DLG2: variants seen among roughly 807,000 people sequenced by gnomAD.
DLG2 encodes the protein disks large homolog 2.
In DLG2, 45 loss-of-function variants were observed where a neutral mutation model predicts 132.5. That is an observed-to-expected ratio of 0.34 (90% confidence interval 0.27 to 0.44). The LOEUF (loss-of-function observed/expected upper bound fraction) is 0.44. Ranked by LOEUF, DLG2 falls within the 20% of genes least tolerant of loss-of-function variation. The pLI is 1.00. For synonymous variants in DLG2, 424 were observed against 419.6 expected (o/e 1.01, Z -0.13); for missense variants, 1,045 against 1,196.9 (o/e 0.87, Z 1.87).
At chr11:84,799,383 G>A (rs543894939) in intron 6 of DLG2, among the ~76,000 whole-genome samples, 1 of 152,286 alleles carries the variant, frequency 6.6e-6, no homozygotes, top group East Asian at 1.9e-4. Flanking sequence ...TTGGCACCAT[G>A]CAGCTGCTGC....
At chr11:85,194,329 C>T (rs867780333) in intron 4 of DLG2, among the ~76,000 whole-genome samples, 3 of 152,026 alleles carry the variant, frequency 2.0e-5, no homozygotes, top group African/African-American at 7.2e-5. Flanking sequence ...TATGGAAAAG[C>T]TGTACAAGGA....
chr11:83,522,162 T>G (rs1283789824), intron 21 of DLG2, among the ~76,000 whole-genome samples: 9 of 152,214 alleles, frequency 5.9e-5, no homozygotes, highest in Admixed American at 4.6e-4. Context: ...GTGCACTTAC[T>G]CCTCACAGAG....
chr11:84,218,644 T>A (rs2096872838), intron 8 of DLG2, among the ~76,000 whole-genome samples: 1 of 152,206 alleles, frequency 6.6e-6, no homozygotes, highest in African/African-American at 2.4e-5. Context: ...AATGAAAGGA[T>A]CCTGGGTCAC....
chr11:83,478,844 G>A (rs933380031), intron 22 of DLG2, among the ~76,000 whole-genome samples: 13 of 151,842 alleles, frequency 8.6e-5, no homozygotes, highest in African/African-American at 2.7e-4. Flanking sequence ...ATTTTTCTAC[G>A]TACTAAATTG....
intron 6 of DLG2, among the ~76,000 whole-genome samples, chr11:84,968,388 C>G (rs939940188): frequency 1.4e-4 from 21 of 152,046 alleles, no homozygotes; most frequent in African/African-American, 4.8e-4. Flanking sequence ...TTTGGGGAGT[C>G]AGATGCTCCC....
rs1002093136 is a variant in DLG2, at chr11:83,822,237, C to T, written c.1722+11377G>A. Among the ~76,000 whole-genome samples the T allele has an allele frequency of 5.9e-5, 9 of 152,114 alleles. 1 individual carries two copies. The highest frequency in any genetic ancestry group is 2.1e-4 in the South Asian group (1 of 4,828). ...AGGAAGCACACAATATGTCTCTCAT[C>T]CTTTGTCTTCAATTCTTCTCCTTTT... On this transcript the variant is annotated intron_variant, in intron 17 of 27. Transcript: ENST00000376104.
At chr11:84,035,111 T>C (rs1024120671) in intron 11 of DLG2, among the ~76,000 whole-genome samples, 9 of 152,134 alleles carry the variant, frequency 5.9e-5, no homozygotes, top group African/African-American at 1.9e-4. Context: ...TCAGGTACTG[T>C]TCATTTTTTC....
intron 7 of DLG2, among the ~76,000 whole-genome samples, chr11:84,455,434 C>T (rs925553570): frequency 6.6e-6 from 1 of 151,260 alleles, no homozygotes; most frequent in Non-Finnish European, 1.5e-5. Context: ...ATTTTCTACT[C>T]TATTTTCTGC....
chr11:85,473,090 T>C (rs1351862725), intron 3 of DLG2, among the ~76,000 whole-genome samples: 1 of 152,210 alleles, frequency 6.6e-6, no homozygotes, highest in Admixed American at 6.5e-5. Flanking sequence ...TTGCAGTACG[T>C]CTGGTCTAGC....
At chr11:85,287,085 T>C (rs2078604340) in intron 3 of DLG2, among the ~76,000 whole-genome samples, 1 of 152,064 alleles carries the variant, frequency 6.6e-6, no homozygotes, top group Admixed American at 6.6e-5. Context: ...AGAGGAAACT[T>C]CTAAGAGTGA....
intron 7 of DLG2, among the ~76,000 whole-genome samples, chr11:84,511,520 A>G (rs1216327433): frequency 2.0e-5 from 3 of 152,184 alleles, no homozygotes; most frequent in African/African-American, 2.4e-5. Flanking sequence ...AATAATGCCT[A>G]TACTTAGGTT....
intron 7 of DLG2, among the ~76,000 whole-genome samples, chr11:84,364,627 G>C (rs2098670832): frequency 6.6e-6 from 1 of 152,094 alleles, no homozygotes; most frequent in Non-Finnish European, 1.5e-5. Flanking sequence ...TGCCCATTCA[G>C]TATGATATTG....
At chr11:85,021,716 A>G (rs1167711020) in intron 6 of DLG2, 2 of 806,472 alleles carry the variant, frequency 2.5e-6, no homozygotes, top group South Asian at 1.5e-5. Context: ...AAAAAATCCC[A>G]TAGGAGTGAG....
intron 3 of DLG2, among the ~76,000 whole-genome samples, chr11:85,411,753 T>C (rs1021987314): frequency 3.3e-5 from 5 of 151,832 alleles, no homozygotes; most frequent in South Asian, 2.1e-4. Flanking sequence ...GATTTTAGCC[T>C]CATGGAAGAA....
intron 11 of DLG2, 32 bp downstream of exon 11, chr11:84,059,283 T>C: frequency 6.2e-7 from 1 of 1,605,934 alleles, no homozygotes; most frequent in South Asian, 1.1e-5. Context: ...GGTTTGTCAC[T>C]AGTGTCTGTG....
At chr11:84,430,281 C>CAT (rs2098980190) in intron 7 of DLG2, among the ~76,000 whole-genome samples, 1 of 150,980 alleles carries the variant, frequency 6.6e-6, no homozygotes, top group African/African-American at 2.4e-5. Context: ...ACTAGAAATA[C>CAT]AAAAAAAATT....
At chr11:84,269,715 G>C (rs559047586) in intron 7 of DLG2, among the ~76,000 whole-genome samples, 1 of 152,256 alleles carries the variant, frequency 6.6e-6, no homozygotes, top group South Asian at 2.1e-4. Flanking sequence ...ATAGTATTGC[G>C]ACTTCTTTTT....
intron 4 of DLG2, among the ~76,000 whole-genome samples, chr11:85,264,786 ATTTC>A (rs536070961): frequency 1.5e-4 from 23 of 152,248 alleles, no homozygotes; most frequent in African/African-American, 4.8e-4. Flanking sequence ...CGCAAGAAAC[ATTTC>A]TTTCAGGTCT....
At chr11:85,391,338 C>T (rs772327659) in intron 3 of DLG2, among the ~76,000 whole-genome samples, 7 of 151,918 alleles carry the variant, frequency 4.6e-5, no homozygotes, top group Admixed American at 4.6e-4. Flanking sequence ...ACCAGATGGA[C>T]TCACAGCTGA....
Sources: allele counts gnomAD v4.1 joint callset (sites outside exome capture counted in the v4.1 genomes callset), GRCh38; gene constraint gnomAD v4.1.1; transcripts MANE v1.5; gene names NCBI Gene and HGNC (gene_info 2026-07-23, HGNC 2026-07-21).